Variants in PCYT1B observed in about 807,000 individuals in gnomAD.
PCYT1B encodes choline-phosphate cytidylyltransferase B.
PCYT1B carries 10 observed loss-of-function variants against 26.4 expected under a neutral mutation model. The observed-to-expected ratio is 0.38, with a 90% confidence interval of 0.23 to 0.64. PCYT1B has a LOEUF of 0.64. Among genes scored for constraint, PCYT1B ranks in the 30% least tolerant of loss-of-function variants. The probability of loss-of-function intolerance (pLI) is 0.56; values close to 1 mark genes in which losing one functional copy is unlikely to be tolerated. For missense variants in PCYT1B, 161 were observed against 292.7 expected (o/e 0.55, Z 3.28); for synonymous variants, 131 against 108.4 (o/e 1.21, Z -1.29).
At chrX:24,563,120 T>C (rs1460624339) in intron 7 of PCYT1B, among the ~76,000 whole-genome samples, 2 of 111,517 alleles carry the variant, frequency 1.8e-5, no homozygotes, top group Non-Finnish European at 3.8e-5. Flanking sequence ...CAAGTAGTCA[T>C]GACCTACGGA....
intron 2 of PCYT1B, among the ~76,000 whole-genome samples, chrX:24,609,658 T>C (rs1925247230): frequency 8.9e-6 from 1 of 111,929 alleles, no homozygotes; most frequent in Admixed American, 9.5e-5. Flanking sequence ...AGAAAGGCAA[T>C]GACAATGGAT....
chrX:24,668,321 G>A (rs971650689), intron 1 of PCYT1B, among the ~76,000 whole-genome samples: 1 of 111,808 alleles, frequency 8.9e-6, no homozygotes, highest in African/African-American at 3.3e-5. Flanking sequence ...GAATGCCTGG[G>A]AATCATCTCT....
At chrX:24,571,318 C>T (rs192351270) in intron 7 of PCYT1B, among the ~76,000 whole-genome samples, 3 of 111,224 alleles carry the variant, frequency 2.7e-5, no homozygotes, top group Non-Finnish European at 3.8e-5. Context: ...GAACCGAGAT[C>T]GCGCCATTGC....
intron 1 of PCYT1B, among the ~76,000 whole-genome samples, chrX:24,624,631 AG>A (rs1489825438): frequency 8.9e-6 from 1 of 111,774 alleles, no homozygotes; most frequent in African/African-American, 3.3e-5. Flanking sequence ...AAAACAGTGG[AG>A]GTCAGGACAA....
At chrX:24,630,655 G>A (rs748936243) in intron 1 of PCYT1B, among the ~76,000 whole-genome samples, 2 of 112,135 alleles carry the variant, frequency 1.8e-5, no homozygotes, top group Non-Finnish European at 3.8e-5. Flanking sequence ...GCATATCACA[G>A]TCCTCTATAT....
At chrX:24,656,551 C>CTTTTTTTTTTTTTTTTTTTTT (rs1179469896) in intron 1 of PCYT1B, among the ~76,000 whole-genome samples, 2 of 56,639 alleles carry the variant, frequency 3.5e-5, no homozygotes, top group Admixed American at 2.7e-4. Context: ...TCTTTTTTTC[C>CTTTTTTTTTTTTTTTTTTTTT]TTTTTTTTTT....
rs192553367 is a variant in PCYT1B, at chrX:24,633,320, C to A, written c.117+13669G>T. Among the ~76,000 whole-genome samples the A allele has an allele frequency of 1.2e-3, 126 of 107,805 alleles. 1 individual carries two copies. Among genetic ancestry groups the A allele is most frequent in the African/African-American group, 4.1e-3 (122 of 29,602 alleles). 93.6% of individuals were successfully genotyped at this position (107,805 alleles called of 115,157 possible). On this transcript the variant is annotated intron_variant, in intron 1 of 7. Transcript: ENST00000379144. ...GACACCCTAAATACCCTGGCTTGATCATTACACATTCTATGCATGTAACAA... is the reference window on the plus strand; with the variant it reads ...GACACCCTAAATACCCTGGCTTGATAATTACACATTCTATGCATGTAACAA...
intron 3 of PCYT1B, among the ~76,000 whole-genome samples, chrX:24,605,723 G>A (rs776389299): frequency 7.2e-5 from 8 of 111,189 alleles, no homozygotes; most frequent in Non-Finnish European, 1.1e-4. Flanking sequence ...CCAGGAGTTC[G>A]AGACCTGGCC....
intron 1 of PCYT1B, among the ~76,000 whole-genome samples, chrX:24,655,963 C>CAA (rs1159221148): frequency 4.6e-4 from 23 of 49,611 alleles, no homozygotes; most frequent in African/African-American, 1.6e-3. Context: ...ACTAAAAATA[C>CAA]AAAAAAAAAA....
At chrX:24,608,932 T>C (rs1255749293) in intron 2 of PCYT1B, among the ~76,000 whole-genome samples, 1 of 111,889 alleles carries the variant, frequency 8.9e-6, no homozygotes. Context: ...AAATTCTATG[T>C]ATTTTGCCAA....
At chrX:24,629,392 C>G (rs997319253) in intron 1 of PCYT1B, among the ~76,000 whole-genome samples, 18 of 106,547 alleles carry the variant, frequency 1.7e-4, no homozygotes, top group African/African-American at 6.1e-4. Flanking sequence ...ATGGCGAAAC[C>G]CTCTCTCTAT....
In PCYT1B at chrX:24,561,311, C is replaced by G. The variant is rs1213271603; in HGVS notation, c.*982G>C. ...TACACCCGGGGATGACATATTGGAG[C>G]ATATATAGAACAGATACGTGCAGGT... On this transcript the variant is annotated 3_prime_UTR_variant, in exon 8 of 8. Transcript: ENST00000379144. The G allele has an allele frequency of 1.8e-5, 2 of 111,761 alleles. No individual in the cohort carries two copies. The highest frequency in any genetic ancestry group is 5.6e-4 in the East Asian group (2 of 3,547). 9.2% of individuals were successfully genotyped at this position (111,761 alleles called of 1,213,427 possible).
chrX:24,565,007 G>C (rs1026241315), intron 7 of PCYT1B, among the ~76,000 whole-genome samples: 1 of 110,333 alleles, frequency 9.1e-6, no homozygotes, highest in Non-Finnish European at 1.9e-5. Context: ...TGGGGTGGGA[G>C]GAGGTTTCGG....
At chrX:24,621,892 TA>T in intron 1 of PCYT1B, 1 of 669,860 alleles carries the variant, frequency 1.5e-6, no homozygotes, top group Non-Finnish European at 1.8e-6. Context: ...ATCTGGTAAT[TA>T]AAACAGAGAT....
rs191508498 is a variant in PCYT1B, at chrX:24,639,486, C to T, written c.117+7503G>A. On this transcript the variant is annotated intron_variant, in intron 1 of 7. Coordinates refer to ENST00000379144, the MANE Select transcript of PCYT1B (RefSeq NM_004845.5). The stretch of plus-strand genomic sequence containing the variant: ...TGGTGTGGAGTCCCAGAGGCCACAA[C>T]GAAGCAGATCCATTTGCTCTCATCA... Among the ~76,000 whole-genome samples, 6 of 111,270 alleles carry T rather than the reference C, an allele frequency of 5.4e-5. No individual in the cohort carries two copies. The East Asian group carries it at 1.4e-3, about 26-fold the overall frequency.
rs753756189 is a variant in PCYT1B at position 24,613,146 on chromosome X, C to T, written c.218-5285G>A. ...GTGCAAATCAAACTCACCACTCTTT[C>T]TTCTACCTTGTTGGTACCTGCTAGA... On this transcript the variant is annotated intron_variant, in intron 2 of 7. Transcript: ENST00000379144. Among the ~76,000 whole-genome samples the T allele has an allele frequency of 2.7e-5, 3 of 111,877 alleles. No individual in the cohort carries two copies. The South Asian group carries it at 1.1e-3, about 42-fold the overall frequency.
intron 1 of PCYT1B, among the ~76,000 whole-genome samples, chrX:24,671,959 C>T (rs1018065360): frequency 2.7e-5 from 3 of 112,234 alleles, no homozygotes; most frequent in African/African-American, 9.7e-5. Flanking sequence ...GTCAGGATTT[C>T]GAGACCAGCC....
At chrX:24,622,064 TTTGCATGTG>T (rs1305391365) in intron 1 of PCYT1B, among the ~76,000 whole-genome samples, 1 of 112,478 alleles carries the variant, frequency 8.9e-6, no homozygotes, top group Non-Finnish European at 1.9e-5. Context: ...TGTGTTTGTG[TTTGCATGTG>T]TGCACAGGTG....
chrX:24,623,115 C>T (rs778142050), intron 1 of PCYT1B, among the ~76,000 whole-genome samples: 23 of 110,580 alleles, frequency 2.1e-4, no homozygotes, highest in African/African-American at 7.5e-4. Context: ...ACAGAATTGG[C>T]TTTGCAGCAG....
Sources: allele counts gnomAD v4.1 joint callset (sites outside exome capture counted in the v4.1 genomes callset), GRCh38; gene constraint gnomAD v4.1.1; transcripts MANE v1.5; gene names NCBI Gene and HGNC (gene_info 2026-07-23, HGNC 2026-07-21).